UFM1: variants seen among roughly 807,000 people sequenced by gnomAD.
UFM1 encodes ubiquitin-fold modifier 1.
A neutral mutation model predicts 15.4 loss-of-function variants in UFM1; 9 were observed. The observed-to-expected ratio is 0.59, with a 90% CI of 0.35 to 1.02. The LOEUF is 1.02. UFM1 is among the 50% of genes least tolerant of loss of function. The pLI is 0.02. For missense variants in UFM1, 98 were observed against 104.7 expected (o/e 0.94, Z 0.28); for synonymous variants, 27 against 36.3 (o/e 0.74, Z 0.92).
At chr13:38,355,909 T>C (rs1242208922) in intron 3 of UFM1, among the ~76,000 whole-genome samples, 2 of 151,912 alleles carry the variant, frequency 1.3e-5, no homozygotes, top group Non-Finnish European at 3.0e-5. Context: ...TAAAATTGCC[T>C]TAGTAAGCAA....
chr13:38,358,811 C>T (rs928343002), intron 4 of UFM1, among the ~76,000 whole-genome samples: 4 of 151,862 alleles, frequency 2.6e-5, no homozygotes, highest in South Asian at 2.1e-4. Flanking sequence ...CATTCTGTCA[C>T]ATTGAAGTGT....
rs1879352142 is a variant in UFM1, at chr13:38,360,964, T to TA, written c.*188dup. ...CTATGAAGAGGGAATGCGTATGAAT[T>TA]AAGGCTACTACTGTCACAGAAGATC... On this transcript the variant is annotated 3_prime_UTR_variant, in exon 6 of 6. Transcript: ENST00000239878. The TA allele has an allele frequency of 6.3e-6, 3 of 477,680 alleles. No individual in the cohort carries two copies. In the South Asian group the frequency reaches 1.1e-4, roughly 18 times the overall value. 29.6% of individuals were successfully genotyped at this position (477,680 alleles called of 1,614,324 possible).
rs2231331 is a variant in UFM1 at position 38,349,980 on chromosome 13, C to T, written c.3-19C>T. ...GGTCCAGCTGCCCGACCCTGACTCTCTCCCGCTCTTTTCCTCAGGTCGAAG... is the reference window on the plus strand; with the variant it reads ...GGTCCAGCTGCCCGACCCTGACTCTTTCCCGCTCTTTTCCTCAGGTCGAAG... On this transcript the variant is annotated intron_variant, in intron 1 of 5. Coordinates refer to ENST00000239878, the MANE Select transcript of UFM1 (RefSeq NM_016617.4). 4.3e-6 allele frequency: 7 copies of T among 1,614,066 alleles called. No homozygotes were observed. The South Asian group carries it at 4.4e-5, about 10-fold the overall frequency.
intron 2 of UFM1, among the ~76,000 whole-genome samples, chr13:38,350,396 A>G (rs967329618): frequency 6.6e-6 from 1 of 152,244 alleles, no homozygotes; most frequent in Non-Finnish European, 1.5e-5. Flanking sequence ...AACAGTCCCC[A>G]TCTGCTGGAT....
intron 3 of UFM1, among the ~76,000 whole-genome samples, chr13:38,357,324 T>G (rs908103437): frequency 1.3e-5 from 2 of 151,924 alleles, no homozygotes; most frequent in African/African-American, 2.4e-5. Flanking sequence ...CATCAGTTTA[T>G]TTTGCATGTA....
chr13:38,360,859 T>G lies in UFM1; in HGVS notation c.*81T>G, dbSNP rs1879344051. The G allele has an allele frequency of 1.2e-5, 14 of 1,197,454 alleles. No individual in the cohort carries two copies. The South Asian group carries it at 1.8e-4, about 15-fold the overall frequency. 74.2% of individuals were successfully genotyped at this position (1,197,454 alleles called of 1,614,324 possible). On this transcript the variant is annotated 3_prime_UTR_variant, in exon 6 of 6. Coordinates refer to ENST00000239878, the MANE Select transcript of UFM1 (RefSeq NM_016617.4). ...TTGTTGTAAAATTGAAATCAGGCAT[T>G]TAACATACTATGAAAACACCAGGAG... is the stretch of plus-strand genomic sequence containing the variant.
At chr13:38,350,109 T>G (rs762934137) in intron 2 of UFM1, 54 bp downstream of exon 2, 1 of 1,613,982 alleles carries the variant, frequency 6.2e-7, no homozygotes, top group Non-Finnish European at 8.5e-7. Context: ...CGGGGCTGGG[T>G]TGGGGATGAT....
chr13:38,362,499 G>A lies in UFM1; in HGVS notation c.*1721G>A, dbSNP rs576024286. On this transcript the variant is annotated 3_prime_UTR_variant, in exon 6 of 6. Transcript: ENST00000239878. ...TTTTTTTTGAGGCAGACTCTCTGTCGCCAGGCTTCTCCTGCCTCAGCCTCA... is the reference window on the plus strand; with the variant it reads ...TTTTTTTTGAGGCAGACTCTCTGTCACCAGGCTTCTCCTGCCTCAGCCTCA... The A allele has an allele frequency of 4.8e-5, 7 of 146,372 alleles. No homozygotes were observed. Among genetic ancestry groups the A allele is most frequent in the South Asian group, 2.1e-4 (1 of 4,652 alleles). The allele number at this position is 146,372 out of a possible 1,614,324, so 9.1% of individuals were successfully genotyped here.
At chr13:38,357,837 G>A (rs1879179571) in intron 3 of UFM1, among the ~76,000 whole-genome samples, 1 of 151,896 alleles carries the variant, frequency 6.6e-6, no homozygotes, top group South Asian at 2.1e-4. Flanking sequence ...CTTGTCTTGT[G>A]TTGAATATAC....
chr13:38,356,107 AT>A (rs1879081917), intron 3 of UFM1, among the ~76,000 whole-genome samples: 1 of 151,874 alleles, frequency 6.6e-6, no homozygotes, highest in Admixed American at 6.6e-5. Flanking sequence ...TAGATTCTAC[AT>A]TTTACATCAC....
chr13:38,351,274 C>T (rs576725011), intron 2 of UFM1, among the ~76,000 whole-genome samples: 6 of 152,276 alleles, frequency 3.9e-5, no homozygotes, highest in African/African-American at 1.2e-4. Flanking sequence ...TAGCTGACTG[C>T]CCCTGGAGAA....
chr13:38,352,299 G>C (rs1441672877), intron 2 of UFM1, among the ~76,000 whole-genome samples: 1 of 151,720 alleles, frequency 6.6e-6, no homozygotes, highest in Non-Finnish European at 1.5e-5. Flanking sequence ...GGGTGTCACT[G>C]TGTTAGCCAG....
chr13:38,357,281 G>C (rs1306988792), intron 3 of UFM1, among the ~76,000 whole-genome samples: 8 of 151,880 alleles, frequency 5.3e-5, no homozygotes. Flanking sequence ...TTCAGATCTT[G>C]CAATTTCTAT....
intron 2 of UFM1, among the ~76,000 whole-genome samples, 153 bp from the exon 3 acceptor site, chr13:38,354,086 G>A (rs1170923670): frequency 6.6e-6 from 1 of 151,958 alleles, no homozygotes; most frequent in African/African-American, 2.4e-5. Context: ...ATTATTTTGA[G>A]TTAAAGAATG....
rs1879501383 is a variant in UFM1, at chr13:38,363,157, A to G, written c.*2379A>G. ...GTCATCTGCCACAGACATAGTAGTG[A>G]TGTTTCGTCCAACAACAGACCGCAT... is the stretch of plus-strand genomic sequence containing the variant. On this transcript the variant is annotated 3_prime_UTR_variant, in exon 6 of 6. Coordinates refer to ENST00000239878, the MANE Select transcript of UFM1 (RefSeq NM_016617.4). 6.6e-6 allele frequency: 1 copy of G among 152,190 alleles called. No individual in the cohort carries two copies. Among genetic ancestry groups the G allele is most frequent in the Non-Finnish European group, 1.5e-5 (1 of 68,026 alleles). The allele number at this position is 152,190 out of a possible 1,614,324, so 9.4% of individuals were successfully genotyped here.
In UFM1 at chr13:38,361,207, A is replaced by G. The variant is rs1199460700; in HGVS notation, c.*429A>G. ...TTGATAGCATCTGATTTGCAGACTCATAATTTGATTTTTAATTAAATATAT... is the reference window on the plus strand; with the variant it reads ...TTGATAGCATCTGATTTGCAGACTCGTAATTTGATTTTTAATTAAATATAT... On this transcript the variant is annotated 3_prime_UTR_variant, in exon 6 of 6. Transcript: ENST00000239878. 1 of 153,098 alleles carries G rather than the reference A, an allele frequency of 6.5e-6. No homozygotes were observed. The highest frequency in any genetic ancestry group is 2.4e-5 in the African/African-American group (1 of 41,494). The allele number at this position is 153,098 out of a possible 1,614,324, so 9.5% of individuals were successfully genotyped here.
At position 38,360,774 on chromosome 13, in the gene UFM1, G is replaced by A; in HGVS notation, c.254G>A (p.Cys85Tyr). ...ATTCCTAGAGATCGTGTTGGAAGTTGTTAATATCTGCTACTTGGAACATAC... is the reference window on the plus strand; with the variant it reads ...ATTCCTAGAGATCGTGTTGGAAGTTATTAATATCTGCTACTTGGAACATAC... Reference protein sequence around the residue: ...RIIPRDRVGSC With the variant: ...RIIPRDRVGSY The change falls in exon 6 of 6, where the codon TGT becomes TAT. Residue 85 changes from cysteine to tyrosine, a missense_variant. Coordinates refer to ENST00000239878, the MANE Select transcript of UFM1 (RefSeq NM_016617.4). 6.2e-7 allele frequency: 1 copy of A among 1,606,482 alleles called. No individual in the cohort carries two copies. Among genetic ancestry groups the A allele is most frequent in the South Asian group, 1.1e-5 (1 of 90,276 alleles).
At chr13:38,357,506 A>G (rs1177397365) in intron 3 of UFM1, among the ~76,000 whole-genome samples, 1 of 32,182 alleles carries the variant, frequency 3.1e-5, no homozygotes, top group East Asian at 8.2e-4. Flanking sequence ...ACTGTTTATA[A>G]TACAGGGTTT....
In UFM1 at chr13:38,360,971, A is replaced by G. The variant is rs141596217; in HGVS notation, c.*193A>G. The G allele has an allele frequency of 8.8e-4, 387 of 440,320 alleles. 1 individual carries two copies. The highest frequency in any genetic ancestry group is 7.4e-3 in the African/African-American group (365 of 49,452). The allele number at this position is 440,320 out of a possible 1,614,324, so 27.3% of individuals were successfully genotyped here. On this transcript the variant is annotated 3_prime_UTR_variant, in exon 6 of 6. Transcript: ENST00000239878. Reference sequence around the variant, plus strand: ...GAGGGAATGCGTATGAATTAAGGCTACTACTGTCACAGAAGATCATAGTCT... The same window carrying G: ...GAGGGAATGCGTATGAATTAAGGCTGCTACTGTCACAGAAGATCATAGTCT...
Sources: gnomAD v4.1 joint callset for allele counts (sites outside exome capture counted in the v4.1 genomes callset) on GRCh38, gnomAD v4.1.1 for gene constraint, MANE v1.5 for transcripts, NCBI Gene and HGNC (gene_info 2026-07-23, HGNC 2026-07-21) for gene names.